LRRC4C: variants seen among roughly 807,000 people sequenced by gnomAD.
LRRC4C encodes the protein leucine rich repeat containing 4C.
In LRRC4C, 5 loss-of-function variants were observed where a neutral mutation model predicts 33.6. The ratio of observed to expected loss-of-function variants is 0.15; its 90% CI spans 0.08 to 0.31. The LOEUF is 0.31. LRRC4C is among the 10% of genes least tolerant of loss of function. The pLI is 1.00. For synonymous variants in LRRC4C, 329 were observed against 302.0 expected (o/e 1.09, Z -0.93); for missense variants, 560 against 796.7 (o/e 0.70, Z 3.58).
chr11:41,130,275 C>T (rs1942950465), intron 1 of LRRC4C, among the ~76,000 whole-genome samples: 1 of 151,868 alleles, frequency 6.6e-6, no homozygotes, highest in South Asian at 2.1e-4. Flanking sequence ...TAAAAGTATC[C>T]ATTTCTGTCC....
At chr11:41,070,418 G>A (rs1465244634) in intron 1 of LRRC4C, among the ~76,000 whole-genome samples, 2 of 151,926 alleles carry the variant, frequency 1.3e-5, no homozygotes, top group Non-Finnish European at 2.9e-5. Context: ...TTAACAAATG[G>A]GATCAAATTA....
intron 1 of LRRC4C, among the ~76,000 whole-genome samples, chr11:41,123,418 G>A (rs1274122125): frequency 4.0e-5 from 6 of 148,428 alleles, no homozygotes; most frequent in South Asian, 2.1e-4. Flanking sequence ...GACTACAGGC[G>A]CCCGCCACTA....
At chr11:41,124,759 G>A (rs2135792722) in intron 1 of LRRC4C, among the ~76,000 whole-genome samples, 1 of 152,122 alleles carries the variant, frequency 6.6e-6, no homozygotes, top group African/African-American at 2.4e-5. Flanking sequence ...CAAGAATATG[G>A]GAAGCAAAAG....
At position 40,666,580 on chromosome 11, in the gene LRRC4C, G is replaced by A. The variant is rs188692027; in HGVS notation, c.-406-18302C>T. Among the ~76,000 whole-genome samples the A allele has an allele frequency of 3.9e-4, 59 of 152,254 alleles. 1 individual carries two copies. Among genetic ancestry groups the A allele is most frequent in the Middle Eastern group, 3.4e-3 (1 of 294 alleles). ...AATGGTTCAAATTTGGGGAACTGAG[G>A]AAATATTCCTTTGGGCAAGAGAAGA... On this transcript the variant is annotated intron_variant, in intron 2 of 6. Coordinates refer to ENST00000528697, the MANE Select transcript of LRRC4C (RefSeq NM_001258419.2).
chr11:40,965,154 T>A (rs1851254065), intron 1 of LRRC4C, among the ~76,000 whole-genome samples: 1 of 152,160 alleles, frequency 6.6e-6, no homozygotes, highest in Non-Finnish European at 1.5e-5. Flanking sequence ...GTTTTTTGGC[T>A]GCATAAATGT....
chr11:41,419,680 T>C (rs1228922080), intron 1 of LRRC4C, among the ~76,000 whole-genome samples: 1 of 152,020 alleles, frequency 6.6e-6, no homozygotes, highest in Non-Finnish European at 1.5e-5. Flanking sequence ...TACTTTATAC[T>C]GTATTTATTA....
chr11:40,318,555 A>T (rs1206230977), intron 4 of LRRC4C, among the ~76,000 whole-genome samples: 1 of 151,986 alleles, frequency 6.6e-6, no homozygotes, highest in African/African-American at 2.4e-5. Context: ...CAAGCTTATG[A>T]TTCCTTTTTA....
chr11:41,328,373 A>G (rs1249765102), intron 1 of LRRC4C, among the ~76,000 whole-genome samples: 1 of 151,886 alleles, frequency 6.6e-6, no homozygotes, highest in Non-Finnish European at 1.5e-5. Context: ...CTTTGTTTTG[A>G]GTTTTATTTA....
intron 2 of LRRC4C, among the ~76,000 whole-genome samples, chr11:40,699,525 A>AT (rs2136473329): frequency 6.6e-6 from 1 of 152,278 alleles, no homozygotes; most frequent in Non-Finnish European, 1.5e-5. Context: ...ATTTTGGTGC[A>AT]TTTTTCCCAA....
chr11:40,715,751 G>A lies in LRRC4C; in HGVS notation c.-406-67473C>T, dbSNP rs141827742. ...AAAAGAACAAGGTCTAGGGCTGGGC[G>A]TGGTAGCTCATGCCTATAATCCCAG... On this transcript the variant is annotated intron_variant, in intron 2 of 6. Transcript: ENST00000528697. Among the ~76,000 whole-genome samples the A allele has an allele frequency of 2.7e-3, 417 of 152,308 alleles. 4 individuals carry two copies. The highest frequency in any genetic ancestry group is 8.4e-3 in the African/African-American group (348 of 41,580).
chr11:41,450,677 GA>G (rs1955989721), intron 1 of LRRC4C, among the ~76,000 whole-genome samples: 1 of 152,046 alleles, frequency 6.6e-6, no homozygotes, highest in Admixed American at 6.6e-5. Context: ...AAATACCATA[GA>G]ATTAAATGTG....
intron 1 of LRRC4C, among the ~76,000 whole-genome samples, chr11:41,119,596 GC>G (rs1168624938): frequency 6.6e-6 from 1 of 152,120 alleles, no homozygotes; most frequent in Non-Finnish European, 1.5e-5. Context: ...AAGAGATTTG[GC>G]CACTATCTAG....
chr11:40,770,831 T>C (rs569589899), intron 2 of LRRC4C, among the ~76,000 whole-genome samples: 1 of 152,222 alleles, frequency 6.6e-6, no homozygotes, highest in African/African-American at 2.4e-5. Flanking sequence ...CACATCCAGG[T>C]CACACTGATG....
At chr11:40,582,091 T>C (rs1423649091) in intron 3 of LRRC4C, among the ~76,000 whole-genome samples, 3 of 152,060 alleles carry the variant, frequency 2.0e-5, no homozygotes, top group Non-Finnish European at 4.4e-5. Flanking sequence ...AAACAGAAAA[T>C]ATTTATGTGT....
At chr11:40,118,058 G>A (rs1245388670) in intron 6 of LRRC4C, among the ~76,000 whole-genome samples, 2 of 147,448 alleles carry the variant, frequency 1.4e-5, no homozygotes, top group Non-Finnish European at 3.0e-5. Context: ...ATAAATAGTA[G>A]TAATCATACT....
At chr11:40,274,917 A>T (rs1942989281) in intron 4 of LRRC4C, among the ~76,000 whole-genome samples, 1 of 152,104 alleles carries the variant, frequency 6.6e-6, no homozygotes. Flanking sequence ...TTTCTATTTC[A>T]CTTGCAACCA....
At chr11:40,311,507 G>A (rs1945303610) in intron 4 of LRRC4C, among the ~76,000 whole-genome samples, 1 of 152,130 alleles carries the variant, frequency 6.6e-6, no homozygotes, top group Admixed American at 6.5e-5. Flanking sequence ...ACAAATAGAA[G>A]TTCTAATAGT....
intron 3 of LRRC4C, among the ~76,000 whole-genome samples, chr11:40,494,490 G>GTTGACATTTATA (rs1303901794): frequency 5.9e-5 from 9 of 152,002 alleles, no homozygotes; most frequent in Non-Finnish European, 1.2e-4. Context: ...TATATACTGG[G>GTTGACATTTATA]TACCACCATT....
Position 40,149,604 on chromosome 11 carries a change from C to G in LRRC4C, c.-95-8751G>C, listed in dbSNP as rs114739772. 3.6e-3 allele frequency among the ~76,000 whole-genome samples: 541 copies of G among 152,092 alleles called. 6 individuals are homozygous for G. The highest frequency in any genetic ancestry group is 0.012 in the African/African-American group (515 of 41,492). On this transcript the variant is annotated intron_variant, in intron 5 of 6. Transcript: ENST00000528697. ...TTTGGGGCTAAGACTATGGGGCTTTCCAGATACAGGATCATGTTGTCTGCA... is the reference window on the plus strand; with the variant it reads ...TTTGGGGCTAAGACTATGGGGCTTTGCAGATACAGGATCATGTTGTCTGCA...
Sources: allele counts gnomAD v4.1 joint callset (sites outside exome capture counted in the v4.1 genomes callset), GRCh38; gene constraint gnomAD v4.1.1; transcripts MANE v1.5; gene names NCBI Gene and HGNC (gene_info 2026-07-23, HGNC 2026-07-21).